GRID2: variants seen among roughly 807,000 people sequenced by gnomAD.
GRID2 encodes glutamate ionotropic receptor delta type subunit 2.
Under a neutral mutation model 114.8 loss-of-function variants are expected in GRID2, and 33 were observed. The ratio of observed to expected loss-of-function variants is 0.29; its 90% CI spans 0.22 to 0.38. The LOEUF is 0.38. GRID2 is among the 10% of genes least tolerant of loss of function. GRID2 has a pLI of 1.00. For synonymous variants in GRID2, 505 were observed against 449.9 expected, an observed-to-expected ratio of 1.12 and a Z score of -1.55; for missense variants, 1,184 against 1,257.7, an observed-to-expected ratio of 0.94 and a Z score of 0.89.
chr4:92,941,209 TG>T (rs1197336504), intron 2 of GRID2, among the ~76,000 whole-genome samples: 1 of 152,192 alleles, frequency 6.6e-6, no homozygotes, highest in Non-Finnish European at 1.5e-5. Context: ...GGACTTTTTT[TG>T]GTTGGTAAGC....
chr4:92,501,773 T>A (rs1302024044), intron 1 of GRID2, among the ~76,000 whole-genome samples: 1 of 152,176 alleles, frequency 6.6e-6, no homozygotes, highest in Non-Finnish European at 1.5e-5. Flanking sequence ...CTGTCAGTAG[T>A]GTTTAAAGTT....
chr4:92,746,375 A>G (rs1737149927), intron 2 of GRID2, among the ~76,000 whole-genome samples: 1 of 152,128 alleles, frequency 6.6e-6, no homozygotes, highest in Admixed American at 6.5e-5. Context: ...AAGAAAATTT[A>G]TATGTAGTTT....
At chr4:92,360,740 G>A (rs530263098) in intron 1 of GRID2, among the ~76,000 whole-genome samples, 2 of 152,014 alleles carry the variant, frequency 1.3e-5, no homozygotes, top group African/African-American at 2.4e-5. Context: ...CAGAGGTATG[G>A]AAGACCATAT....
intron 2 of GRID2, among the ~76,000 whole-genome samples, chr4:92,681,930 T>C: frequency 6.6e-6 from 1 of 152,056 alleles, no homozygotes; most frequent in East Asian, 1.9e-4. Context: ...CTTCAGGACA[T>C]ACCTCAGTTG....
chr4:92,428,130 G>T (rs748354402), intron 1 of GRID2, among the ~76,000 whole-genome samples: 152 of 151,990 alleles, frequency 1.0e-3, no homozygotes, highest in Non-Finnish European at 1.9e-3. Flanking sequence ...GGCGTGGTGA[G>T]GGGTGCCTGT....
At chr4:92,455,891 A>AT (rs955113370) in intron 1 of GRID2, among the ~76,000 whole-genome samples, 1 of 152,156 alleles carries the variant, frequency 6.6e-6, no homozygotes, top group Non-Finnish European at 1.5e-5. Flanking sequence ...AATTACAGTG[A>AT]TTTTTCTCTT....
intron 2 of GRID2, among the ~76,000 whole-genome samples, chr4:92,888,284 T>C (rs372525391): frequency 6.6e-6 from 1 of 152,152 alleles, no homozygotes; most frequent in South Asian, 2.1e-4. Context: ...TAGGGTAGAA[T>C]AAAGGGCTCA....
At chr4:93,331,816 G>A (rs1421107983) in intron 8 of GRID2, among the ~76,000 whole-genome samples, 1 of 152,012 alleles carries the variant, frequency 6.6e-6, no homozygotes, top group African/African-American at 2.4e-5. Context: ...GTTCTTAAAA[G>A]GGTTCAGTTA....
intron 2 of GRID2, among the ~76,000 whole-genome samples, chr4:93,042,793 G>GTGAATAAA (rs1725727458): frequency 6.6e-6 from 1 of 150,530 alleles, no homozygotes; most frequent in Non-Finnish European, 1.5e-5. Flanking sequence ...TAAGACCTAT[G>GTGAATAAA]TGAATAAATC....
intron 2 of GRID2, among the ~76,000 whole-genome samples, chr4:93,032,094 C>G (rs1009943656): frequency 8.5e-5 from 13 of 152,214 alleles, no homozygotes; most frequent in African/African-American, 3.1e-4. Flanking sequence ...TCTAGAATAC[C>G]TGGGGAAAAC....
intron 8 of GRID2, among the ~76,000 whole-genome samples, chr4:93,366,688 T>C (rs1762368638): frequency 6.6e-6 from 1 of 152,050 alleles, no homozygotes; most frequent in African/African-American, 2.4e-5. Flanking sequence ...TTTTGTGGCT[T>C]GTGGGGCATC....
chr4:92,575,422 G>A (rs1393264283), intron 1 of GRID2, among the ~76,000 whole-genome samples: 1 of 152,148 alleles, frequency 6.6e-6, no homozygotes, highest in Admixed American at 6.5e-5. Context: ...CTGTGTTTTT[G>A]CAATGGTTCT....
At chr4:92,616,649 G>GT (rs1261566796) in intron 2 of GRID2, among the ~76,000 whole-genome samples, 2 of 149,666 alleles carry the variant, frequency 1.3e-5, no homozygotes, top group East Asian at 2.0e-4. Flanking sequence ...TTTGTTCTTT[G>GT]TTTTTTTCCT....
At chr4:93,646,579 A>G in intron 14 of GRID2, among the ~76,000 whole-genome samples, 1 of 152,112 alleles carries the variant, frequency 6.6e-6, no homozygotes, top group East Asian at 1.9e-4. Flanking sequence ...TTAAAGAAGC[A>G]TTTTTTACCT....
At chr4:93,592,482 T>C (rs1174711634) in intron 13 of GRID2, among the ~76,000 whole-genome samples, 1 of 152,138 alleles carries the variant, frequency 6.6e-6, no homozygotes, top group Non-Finnish European at 1.5e-5. Flanking sequence ...TCCAAGTATG[T>C]GGTCAATTTT....
chr4:92,538,693 C>T (rs1298898145), intron 1 of GRID2, among the ~76,000 whole-genome samples: 1 of 152,096 alleles, frequency 6.6e-6, no homozygotes, highest in Admixed American at 6.5e-5. Flanking sequence ...TTACTGCATT[C>T]CTAGTCTTAG....
chr4:93,002,038 A>G (rs1721042654), intron 2 of GRID2, among the ~76,000 whole-genome samples: 1 of 151,386 alleles, frequency 6.6e-6, no homozygotes, highest in African/African-American at 2.4e-5. Flanking sequence ...AGTTTCTAAG[A>G]AATAAAATTT....
At chr4:92,532,828 T>C in intron 1 of GRID2, among the ~76,000 whole-genome samples, 1 of 152,078 alleles carries the variant, frequency 6.6e-6, no homozygotes, top group Non-Finnish European at 1.5e-5. Context: ...ATCTCAACAT[T>C]TTGGGAGGCC....
chr4:93,654,964 A>AAATC (rs1200481217), intron 14 of GRID2, among the ~76,000 whole-genome samples: 1 of 152,208 alleles, frequency 6.6e-6, no homozygotes, highest in African/African-American at 2.4e-5. Flanking sequence ...AACTAATTAG[A>AAATC]AATCCAGATC....
Sources: gnomAD v4.1 joint callset for allele counts (sites outside exome capture counted in the v4.1 genomes callset) on GRCh38, gnomAD v4.1.1 for gene constraint, MANE v1.5 for transcripts, NCBI Gene and HGNC (gene_info 2026-07-23, HGNC 2026-07-21) for gene names.